PBX3: variants seen among roughly 807,000 people sequenced by gnomAD.
PBX3 encodes PBX homeobox 3.
A neutral mutation model predicts 48.5 loss-of-function variants in PBX3; 14 were observed. That is an observed-to-expected ratio of 0.29 (90% CI 0.19 to 0.45). The LOEUF is 0.45. Among genes scored for constraint, PBX3 ranks in the 20% least tolerant of loss-of-function variants. The pLI is 1.00. For missense variants in PBX3, 386 were observed against 546.7 expected, an observed-to-expected ratio of 0.71 and a Z score of 2.93; for synonymous variants, 210 against 200.3, an observed-to-expected ratio of 1.05 and a Z score of -0.41.
Position 125,915,837 on chromosome 9 carries a change from T to C in PBX3, c.426T>C (p.Ser142=). Residue 142 remains serine, a synonymous_variant, in exon 3 of 9, where the codon TCT becomes TCC. Coordinates refer to ENST00000373489, the MANE Select transcript of PBX3 (RefSeq NM_006195.6). ...CAGCCGCGGCAGCCTCTGGAGGTTC[T>C]TCAGATAACTCTATTGAACACTCAG... ...AAAAAAASGG[S]SDNSIEHSDY... is the part of the protein sequence containing the mutation. 6.2e-7 allele frequency: 1 copy of C among 1,614,118 alleles called. No homozygotes were observed. Among genetic ancestry groups the C allele is most frequent in the South Asian group, 1.1e-5 (1 of 91,080 alleles).
chr9:125,902,675 T>C lies in PBX3; in HGVS notation c.275-13011T>C, dbSNP rs145594499. ...TGAAAGTATGCACTTCCAAATTTAT[T>C]TTGAAAAGTGCCAGGGGGTGCTGTG... On this transcript the variant is annotated intron_variant, in intron 2 of 8. Transcript: ENST00000373489. Among the ~76,000 whole-genome samples the C allele has an allele frequency of 4.6e-3, 698 of 151,868 alleles. 8 individuals are homozygous for C. The highest frequency in any genetic ancestry group is 0.016 in the African/African-American group (659 of 41,504).
At chr9:125,948,002 TAA>T (rs1387023121) in intron 5 of PBX3, among the ~76,000 whole-genome samples, 4 of 152,176 alleles carry the variant, frequency 2.6e-5, no homozygotes, top group Non-Finnish European at 5.9e-5. Context: ...CACATACATA[TAA>T]GTCAGTAAGG....
At chr9:125,951,894 G>GT (rs1433259171) in intron 5 of PBX3, among the ~76,000 whole-genome samples, 1 of 152,146 alleles carries the variant, frequency 6.6e-6, no homozygotes, top group Non-Finnish European at 1.5e-5. Context: ...TATAGAAACT[G>GT]TATCAAACCC....
At chr9:125,901,203 G>C (rs139632805) in intron 2 of PBX3, among the ~76,000 whole-genome samples, 1 of 151,708 alleles carries the variant, frequency 6.6e-6, no homozygotes, top group East Asian at 1.9e-4. Context: ...GGAGCTCAAA[G>C]GTGGCTGGTA....
At chr9:125,793,366 A>AAAAAATATATATAT (rs59271982) in intron 2 of PBX3, among the ~76,000 whole-genome samples, 3 of 101,972 alleles carry the variant, frequency 2.9e-5, no homozygotes, top group African/African-American at 1.3e-4. Context: ...GGAAAAAAAA[A>AAAAAATATATATAT]ATATATATAT....
chr9:125,810,544 G>A (rs1419886418), intron 2 of PBX3, among the ~76,000 whole-genome samples: 1 of 152,054 alleles, frequency 6.6e-6, no homozygotes, highest in South Asian at 2.1e-4. Flanking sequence ...GTGTTGAGTG[G>A]AACTTTTTGG....
At chr9:125,809,903 G>C (rs1838237551) in intron 2 of PBX3, among the ~76,000 whole-genome samples, 1 of 152,064 alleles carries the variant, frequency 6.6e-6, no homozygotes, top group Non-Finnish European at 1.5e-5. Flanking sequence ...AAAATTGAAT[G>C]GTTATTTTAC....
At chr9:125,919,359 ATTTTTTTTTTTTTT>A (rs34891465) in intron 3 of PBX3, among the ~76,000 whole-genome samples, 2 of 102,752 alleles carry the variant, frequency 1.9e-5, no homozygotes, top group Admixed American at 1.2e-4. Context: ...TGCCCGTCTA[ATTTTTTTTTTTTTT>A]TTTTTTTTTG....
At chr9:125,888,992 G>A (rs1477402533) in intron 2 of PBX3, among the ~76,000 whole-genome samples, 3 of 152,086 alleles carry the variant, frequency 2.0e-5, no homozygotes, top group Non-Finnish European at 4.4e-5. Flanking sequence ...TATGCTTTGG[G>A]AATTTACTCT....
chr9:125,849,757 G>T (rs946630560), intron 2 of PBX3, among the ~76,000 whole-genome samples: 1 of 151,796 alleles, frequency 6.6e-6, no homozygotes, highest in East Asian at 1.9e-4. Context: ...TTTCCTGAAG[G>T]CTGCATAGAA....
In PBX3 at chr9:125,945,988, T is replaced by C. The variant is rs2132560301; in HGVS notation, c.843+10381T>C. Reference sequence around the variant, plus strand: ...AATTCTAAGGTAATAGTTAAGAGGCTGAGAATTTAAGCAGGGCTTTAGACC... The same window carrying C: ...AATTCTAAGGTAATAGTTAAGAGGCCGAGAATTTAAGCAGGGCTTTAGACC... On this transcript the variant is annotated intron_variant, in intron 5 of 8. Transcript: ENST00000373489. Among the ~76,000 whole-genome samples the C allele has an allele frequency of 1.3e-5, 2 of 152,264 alleles. 1 individual carries two copies. Among genetic ancestry groups the C allele is most frequent in the East Asian group, 3.9e-4 (2 of 5,188 alleles).
At chr9:125,952,473 G>A (rs1029356995) in intron 5 of PBX3, among the ~76,000 whole-genome samples, 4 of 152,214 alleles carry the variant, frequency 2.6e-5, no homozygotes, top group African/African-American at 9.6e-5. Context: ...TACAATTAAA[G>A]CTAATTAATA....
At chr9:125,790,962 G>A (rs1407062712) in intron 2 of PBX3, among the ~76,000 whole-genome samples, 1 of 150,718 alleles carries the variant, frequency 6.6e-6, no homozygotes, top group Non-Finnish European at 1.5e-5. Context: ...TGCCCAGGCT[G>A]GAATATAGTG....
At chr9:125,816,435 T>A in intron 2 of PBX3, among the ~76,000 whole-genome samples, 1 of 152,378 alleles carries the variant, frequency 6.6e-6, no homozygotes, top group Non-Finnish European at 1.5e-5. Context: ...TTTAGTTGTC[T>A]TCAATTGTTA....
chr9:125,935,666 C>T, intron 5 of PBX3, 59 bp downstream of exon 5: 1 of 1,458,368 alleles, frequency 6.9e-7, no homozygotes, highest in Non-Finnish European at 9.4e-7. Flanking sequence ...CTCATTCCTT[C>T]CTCAGGGCAT....
At chr9:125,880,930 A>T (rs1342676637) in intron 2 of PBX3, among the ~76,000 whole-genome samples, 2 of 152,204 alleles carry the variant, frequency 1.3e-5, no homozygotes, top group Non-Finnish European at 2.9e-5. Flanking sequence ...TTAAAAACAG[A>T]GTTATGCTTT....
At chr9:125,882,123 T>G (rs939699209) in intron 2 of PBX3, among the ~76,000 whole-genome samples, 2 of 151,516 alleles carry the variant, frequency 1.3e-5, no homozygotes, top group African/African-American at 4.8e-5. Context: ...CTAGCTACTA[T>G]GGAGGATGAG....
chr9:125,965,304 G>A (rs1010064235), intron 8 of PBX3, among the ~76,000 whole-genome samples: 8 of 152,168 alleles, frequency 5.3e-5, no homozygotes, highest in Non-Finnish European at 1.0e-4. Context: ...GCTGCTCTGC[G>A]GCTCATGCAT....
intron 2 of PBX3, among the ~76,000 whole-genome samples, chr9:125,860,717 C>T (rs909347706): frequency 6.6e-6 from 1 of 151,496 alleles, no homozygotes; most frequent in African/African-American, 2.4e-5. Context: ...ATGGTGAAAC[C>T]CTGTCTCTAC....
Sources: gnomAD v4.1 joint callset for allele counts (sites outside exome capture counted in the v4.1 genomes callset) on GRCh38, gnomAD v4.1.1 for gene constraint, MANE v1.5 for transcripts, NCBI Gene and HGNC (gene_info 2026-07-23, HGNC 2026-07-21) for gene names.